Variants in FUT9 observed in about 807,000 individuals in gnomAD.
FUT9 encodes 4-galactosyl-N-acetylglucosaminide 3-alpha-L-fucosyltransferase 9.
FUT9 carries 15 observed loss-of-function variants against 29.7 expected under a neutral mutation model. The ratio of observed to expected loss-of-function variants is 0.51; its 90% CI spans 0.34 to 0.78. The LOEUF (loss-of-function observed/expected upper bound fraction) is 0.78. Ranked by LOEUF, FUT9 falls within the 30% of genes least tolerant of loss-of-function variation. The pLI, the probability that FUT9 is intolerant of heterozygous loss-of-function variation, is 0.01. For synonymous variants in FUT9, 169 were observed against 153.7 expected (o/e 1.10, Z -0.74); for missense variants, 319 against 425.4 (o/e 0.75, Z 2.20).
chr6:96,129,875 C>T (rs1239605289), intron 2 of FUT9, among the ~76,000 whole-genome samples: 1 of 152,048 alleles, frequency 6.6e-6, no homozygotes, highest in African/African-American at 2.4e-5. Context: ...GATGAATTAT[C>T]AGTCAATTAG....
intron 1 of FUT9, chr6:96,020,698 T>C (rs1770051930): frequency 6.6e-6 from 1 of 152,104 alleles, no homozygotes; most frequent in African/African-American, 2.4e-5. Flanking sequence ...GATATCTCCA[T>C]TACATTTTCT....
At chr6:96,051,010 C>CTGTGTGTG (rs72037171) in intron 1 of FUT9, among the ~76,000 whole-genome samples, 2 of 148,290 alleles carry the variant, frequency 1.3e-5, no homozygotes, top group African/African-American at 5.0e-5. Context: ...CTCTCTCTCT[C>CTGTGTGTG]TCTGTGTGTG....
chr6:96,209,308 T>C lies in FUT9; in HGVS notation c.*5073T>C, dbSNP rs139900799. ...TTTCTCTGTGTAGATATTTAAAGTA[T>C]GAAATTGATTATTTAAACTAATATG... On this transcript the variant is annotated 3_prime_UTR_variant, in exon 3 of 3. Coordinates refer to ENST00000302103, the MANE Select transcript of FUT9 (RefSeq NM_006581.4). 1.2e-3 allele frequency: 205 copies of C among 166,706 alleles called. No individual in the cohort carries two copies. The highest frequency in any genetic ancestry group is 2.0e-3 in the Non-Finnish European group (134 of 67,950). 10.3% of individuals were successfully genotyped at this position (166,706 alleles called of 1,614,324 possible).
chr6:96,096,364 C>A (rs191732468), intron 1 of FUT9, among the ~76,000 whole-genome samples: 2 of 152,186 alleles, frequency 1.3e-5, no homozygotes, highest in Non-Finnish European at 2.9e-5. Flanking sequence ...TAGTTTACTG[C>A]CTTTCTGTGG....
intron 1 of FUT9, among the ~76,000 whole-genome samples, chr6:96,097,298 G>T (rs1771517083): frequency 6.6e-6 from 1 of 152,214 alleles, no homozygotes; most frequent in African/African-American, 2.4e-5. Context: ...GTGTGCTGGA[G>T]CCAGCTCCCC....
chr6:96,092,499 G>A (rs1026260984), intron 1 of FUT9, among the ~76,000 whole-genome samples: 1 of 152,030 alleles, frequency 6.6e-6, no homozygotes, highest in Non-Finnish European at 1.5e-5. Context: ...CTAGGAATCT[G>A]CATCATCTGA....
Position 96,212,191 on chromosome 6 carries a change from T to A in FUT9, c.*7956T>A. 1 of 412,548 alleles carries A rather than the reference T, an allele frequency of 2.4e-6. No homozygotes were observed. Among genetic ancestry groups the A allele is most frequent in the Non-Finnish European group, 4.4e-6 (1 of 225,618 alleles). 25.6% of individuals were successfully genotyped at this position (412,548 alleles called of 1,614,324 possible). A position where few individuals can be genotyped will look rare whatever the true frequency, so the allele number is the denominator to read the frequency against. On this transcript the variant is annotated 3_prime_UTR_variant, in exon 3 of 3. Transcript: ENST00000302103. ...TATGGGCCAGAGTTACAATATCACA[T>A]CTCCAGTCTCAGATTGGCCTCATTA...
At chr6:96,154,770 C>T (rs1477312327) in intron 2 of FUT9, among the ~76,000 whole-genome samples, 4 of 152,146 alleles carry the variant, frequency 2.6e-5, no homozygotes, top group East Asian at 3.8e-4. Context: ...TACCTTTTTA[C>T]CAATAGTCAA....
chr6:96,171,348 C>T (rs1773108955), intron 2 of FUT9, among the ~76,000 whole-genome samples: 2 of 152,198 alleles, frequency 1.3e-5, no homozygotes, highest in Admixed American at 6.5e-5. Flanking sequence ...ATGTTCTTCA[C>T]TCAAGGCAGT....
intron 2 of FUT9, among the ~76,000 whole-genome samples, chr6:96,128,671 A>C (rs1046856764): frequency 1.3e-5 from 2 of 152,208 alleles, no homozygotes; most frequent in African/African-American, 4.8e-5. Flanking sequence ...AGAAGCCTTC[A>C]CCAAAATGTT....
intron 2 of FUT9, among the ~76,000 whole-genome samples, chr6:96,153,096 C>G (rs765784328): frequency 1.3e-5 from 2 of 152,128 alleles, no homozygotes; most frequent in Admixed American, 1.3e-4. Context: ...AAACATCCTT[C>G]CATTTCTCCT....
At chr6:96,199,247 G>C (rs1368924979) in intron 2 of FUT9, among the ~76,000 whole-genome samples, 1 of 152,096 alleles carries the variant, frequency 6.6e-6, no homozygotes, top group Non-Finnish European at 1.5e-5. Context: ...GACATGTTAA[G>C]TATCCAACTG....
rs540993600 is a variant in FUT9, at chr6:96,155,641, C to A, written c.-9+41514C>A. ...TGAGCCGAGATCGTGCCACTGCACTCCAGCCTGGGCGACAGAGTGAGACTC... is the reference window on the plus strand; with the variant it reads ...TGAGCCGAGATCGTGCCACTGCACTACAGCCTGGGCGACAGAGTGAGACTC... On this transcript the variant is annotated intron_variant, in intron 2 of 2. Coordinates refer to ENST00000302103, the MANE Select transcript of FUT9 (RefSeq NM_006581.4). 4.0e-5 allele frequency among the ~76,000 whole-genome samples: 6 copies of A among 150,966 alleles called. No homozygotes were observed. In the East Asian group the frequency reaches 1.2e-3, roughly 29 times the overall value.
chr6:96,124,752 A>G (rs6571057), intron 2 of FUT9, among the ~76,000 whole-genome samples: 49,411 of 151,856 alleles, frequency 0.33, 8,455 homozygotes, highest in East Asian at 0.61. Flanking sequence ...GGCTTCTCTC[A>G]TTATACTTCC....
At chr6:96,178,544 G>A (rs4839814) in intron 2 of FUT9, among the ~76,000 whole-genome samples, 142,160 of 152,206 alleles carry the variant, frequency 0.93, 67,180 homozygotes, top group East Asian at 1. Context: ...ATTTTCTATT[G>A]TCCTCGGCTC....
chr6:96,058,098 G>T (rs1570771), intron 1 of FUT9, among the ~76,000 whole-genome samples: 82,743 of 151,612 alleles, frequency 0.55, 22,688 homozygotes, highest in South Asian at 0.63. Flanking sequence ...GCAGACGGGC[G>T]GTAACTGATC....
At chr6:96,137,401 C>T (rs887572275) in intron 2 of FUT9, among the ~76,000 whole-genome samples, 1 of 152,022 alleles carries the variant, frequency 6.6e-6, no homozygotes, top group African/African-American at 2.4e-5. Flanking sequence ...ATGTGTCATA[C>T]AGAAGAATTC....
intron 1 of FUT9, among the ~76,000 whole-genome samples, chr6:96,086,230 T>A (rs1236956753): frequency 6.6e-6 from 1 of 152,192 alleles, no homozygotes; most frequent in African/African-American, 2.4e-5. Context: ...GTTTTCAGAT[T>A]TCCAATTTTG....
intron 2 of FUT9, among the ~76,000 whole-genome samples, chr6:96,139,083 C>A (rs139251517): frequency 1.7e-3 from 256 of 152,110 alleles, no homozygotes; most frequent in Middle Eastern, 6.8e-3. Context: ...TGAAGAAACA[C>A]CAGAGACTGG....
Sources: gnomAD v4.1 joint callset for allele counts (sites outside exome capture counted in the v4.1 genomes callset) on GRCh38, gnomAD v4.1.1 for gene constraint, MANE v1.5 for transcripts, NCBI Gene and HGNC (gene_info 2026-07-23, HGNC 2026-07-21) for gene names.